Variants in RARB observed in about 807,000 individuals in gnomAD.
RARB encodes retinoic acid receptor beta, also known as HBV-activated protein.
In RARB, 17 loss-of-function variants were observed where a neutral mutation model predicts 51.9. The ratio of observed to expected loss-of-function variants is 0.33; its 90% CI spans 0.22 to 0.49. The LOEUF (loss-of-function observed/expected upper bound fraction) is 0.49, where lower values mean the gene tolerates loss of function less well. RARB is among the 20% of genes least tolerant of loss of function. The probability of loss-of-function intolerance (pLI) is 0.99; values close to 1 mark genes in which losing one functional copy is unlikely to be tolerated. For synonymous variants in RARB, 215 were observed against 195.4 expected (o/e 1.10, Z -0.84); for missense variants, 369 against 550.8 (o/e 0.67, Z 3.30).
Position 25,429,032 on chromosome 3 carries a change from T to C in RARB, c.157+144T>C, listed in dbSNP as rs573779345. 212 of 1,079,076 alleles carry C rather than the reference T, an allele frequency of 2.0e-4. 2 individuals carry two copies. In the South Asian group the frequency reaches 3.8e-3, roughly 19 times the overall value. 66.8% of individuals were successfully genotyped at this position (1,079,076 alleles called of 1,614,324 possible). A position where few individuals can be genotyped will look rare whatever the true frequency, so the allele number is the denominator to read the frequency against. ...GCTGAAGGGGTGTGATATGCTGGCA[T>C]GCATATTGATTCCCTTTGCTGAAAA... On this transcript the variant is annotated intron_variant, in intron 1 of 7. Coordinates refer to ENST00000330688, the MANE Select transcript of RARB (RefSeq NM_000965.5).
chr3:25,589,315 G>A (rs765370906), intron 5 of RARB, among the ~76,000 whole-genome samples: 2 of 152,214 alleles, frequency 1.3e-5, no homozygotes, highest in African/African-American at 2.4e-5. Flanking sequence ...AGAAGTTCAT[G>A]AGCAAAGGAA....
intron 5 of RARB, among the ~76,000 whole-genome samples, chr3:25,302,484 T>G (rs1171423936): frequency 2.0e-5 from 3 of 152,214 alleles, no homozygotes; most frequent in Non-Finnish European, 4.4e-5. Flanking sequence ...GAATACATTA[T>G]GCTGAGTAAA....
At chr3:24,872,376 C>A (rs1702963843) in intron 2 of RARB, among the ~76,000 whole-genome samples, 1 of 152,190 alleles carries the variant, frequency 6.6e-6, no homozygotes, top group African/African-American at 2.4e-5. Flanking sequence ...AGTCTTCACA[C>A]AAATCTCACC....
intron 2 of RARB, among the ~76,000 whole-genome samples, chr3:24,947,465 A>G (rs2125403812): frequency 6.6e-6 from 1 of 152,312 alleles, no homozygotes; most frequent in East Asian, 1.9e-4. Context: ...TGAGAAGTAG[A>G]ACGTGTGTAA....
chr3:25,403,160 C>CAAAAA (rs532977113), intron 5 of RARB, among the ~76,000 whole-genome samples: 1 of 86,386 alleles, frequency 1.2e-5, no homozygotes, highest in Admixed American at 1.3e-4. Context: ...GACTGCATCT[C>CAAAAA]AAAAAAAAAA....
intron 3 of RARB, among the ~76,000 whole-genome samples, chr3:25,504,824 C>T (rs992883137): frequency 1.5e-5 from 2 of 134,422 alleles, no homozygotes; most frequent in Non-Finnish European, 3.1e-5. Context: ...GTGGCGTGAT[C>T]TCAGCTCCCT....
chr3:25,122,231 G>A (rs1488190463), intron 3 of RARB, among the ~76,000 whole-genome samples: 4 of 151,998 alleles, frequency 2.6e-5, no homozygotes, highest in Non-Finnish European at 4.4e-5. Context: ...CAGTGTTGAG[G>A]TTGGTGGTAT....
At chr3:25,153,450 T>C (rs889161054) in intron 4 of RARB, among the ~76,000 whole-genome samples, 2 of 151,504 alleles carry the variant, frequency 1.3e-5, no homozygotes, top group African/African-American at 4.8e-5. Context: ...ACACTGACTT[T>C]AGTCCATTTG....
chr3:25,005,707 C>T (rs1445870591), intron 2 of RARB, among the ~76,000 whole-genome samples: 1 of 152,136 alleles, frequency 6.6e-6, no homozygotes, highest in East Asian at 1.9e-4. Flanking sequence ...AAGAGTATGA[C>T]TACTCGAAGC....
chr3:25,431,202 G>T (rs1708194156), intron 1 of RARB, among the ~76,000 whole-genome samples: 1 of 152,002 alleles, frequency 6.6e-6, no homozygotes, highest in African/African-American at 2.4e-5. Context: ...AGAGGAAACA[G>T]TGGGCAAAGA....
At chr3:25,018,352 C>A (rs1697559549) in intron 2 of RARB, among the ~76,000 whole-genome samples, 3 of 152,176 alleles carry the variant, frequency 2.0e-5, no homozygotes, top group African/African-American at 7.2e-5. Flanking sequence ...CCCCTCTAAT[C>A]TCTCACAAAC....
intron 5 of RARB, among the ~76,000 whole-genome samples, chr3:25,342,514 G>A (rs1705260480): frequency 6.6e-6 from 1 of 152,178 alleles, no homozygotes; most frequent in African/African-American, 2.4e-5. Flanking sequence ...TGCTGAGACA[G>A]GATTTCTGGG....
intron 1 of RARB, among the ~76,000 whole-genome samples, chr3:24,837,570 A>T (rs1198285372): frequency 6.6e-6 from 1 of 152,222 alleles, no homozygotes; most frequent in African/African-American, 2.4e-5. Flanking sequence ...GTTAAAAGAG[A>T]TAGTGCTGAA....
At chr3:25,277,354 G>C (rs1036619292) in intron 5 of RARB, among the ~76,000 whole-genome samples, 2 of 152,142 alleles carry the variant, frequency 1.3e-5, no homozygotes, top group Non-Finnish European at 2.9e-5. Flanking sequence ...CACTCCAGGA[G>C]CTCCAAAGAA....
intron 5 of RARB, among the ~76,000 whole-genome samples, chr3:25,327,330 T>G (rs1010269978): frequency 1.3e-5 from 2 of 151,846 alleles, no homozygotes; most frequent in African/African-American, 4.8e-5. Flanking sequence ...TTAAAAAGAT[T>G]CACATCAAGC....
chr3:25,158,616 G>A (rs552861583), intron 4 of RARB, among the ~76,000 whole-genome samples: 116 of 152,294 alleles, frequency 7.6e-4, no homozygotes, highest in Non-Finnish European at 9.6e-4. Flanking sequence ...GGGCAGAGAA[G>A]ATTTGGGAAT....
chr3:24,921,056 C>G (rs1353200128), intron 2 of RARB, among the ~76,000 whole-genome samples: 1 of 152,122 alleles, frequency 6.6e-6, no homozygotes, highest in African/African-American at 2.4e-5. Flanking sequence ...CAGGTAAAAG[C>G]AGGTCAAGGT....
chr3:25,464,095 A>T (rs1432353412), intron 2 of RARB, among the ~76,000 whole-genome samples: 4 of 152,200 alleles, frequency 2.6e-5, no homozygotes, highest in Non-Finnish European at 4.4e-5. Flanking sequence ...TCTAATGTTT[A>T]TTTGAAAAGT....
intron 4 of RARB, among the ~76,000 whole-genome samples, chr3:25,145,135 G>A (rs1472994853): frequency 6.6e-6 from 1 of 152,026 alleles, no homozygotes; most frequent in African/African-American, 2.4e-5. Flanking sequence ...TTGCTTTATT[G>A]GCTCCCTGTA....
Sources: gnomAD v4.1 joint callset for allele counts (sites outside exome capture counted in the v4.1 genomes callset) on GRCh38, gnomAD v4.1.1 for gene constraint, MANE v1.5 for transcripts, NCBI Gene and HGNC (gene_info 2026-07-23, HGNC 2026-07-21) for gene names.